Variants in MECR observed in about 807,000 individuals in gnomAD.
MECR encodes mitochondrial trans-2-enoyl-CoA reductase.
In MECR, 37 loss-of-function variants were observed where a neutral mutation model predicts 49.1. The observed-to-expected ratio is 0.75, with a 90% CI of 0.58 to 0.99. The LOEUF (loss-of-function observed/expected upper bound fraction) is 0.99. MECR is among the 50% of genes least tolerant of loss of function. The pLI, the probability that MECR is intolerant of heterozygous loss-of-function variation, is 0.00. For missense variants in MECR, 470 were observed against 479.6 expected (o/e 0.98, Z 0.19); for synonymous variants, 198 against 191.1 (o/e 1.04, Z -0.30).
chr1:29,229,812 C>T (rs754594400), intron 1 of MECR, among the ~76,000 whole-genome samples: 3 of 152,322 alleles, frequency 2.0e-5, no homozygotes, highest in South Asian at 2.1e-4. Context: ...GCTTTAGCTC[C>T]ACTTCAGTGG....
chr1:29,197,124 A>G (rs1420852976), intron 7 of MECR, among the ~76,000 whole-genome samples: 2 of 152,238 alleles, frequency 1.3e-5, no homozygotes, highest in African/African-American at 4.8e-5. Context: ...TTGTATGTTT[A>G]GCCAGGATTG....
the MECR span, among the ~76,000 whole-genome samples, chr1:29,182,378 T>C: frequency 6.6e-6 from 1 of 152,128 alleles, no homozygotes; most frequent in Non-Finnish European, 1.5e-5. Context: ...TGAGAATACG[T>C]ACATAAAGCA....
At chr1:29,228,750 G>A (rs1682743720) in intron 1 of MECR, 1 of 152,144 alleles carries the variant, frequency 6.6e-6, no homozygotes, top group Non-Finnish European at 1.5e-5. Context: ...CCAAGAGGAG[G>A]GAATCAATTA....
At chr1:29,224,049 T>C (rs1681443379) in intron 1 of MECR, 1 of 152,204 alleles carries the variant, frequency 6.6e-6, no homozygotes, top group Non-Finnish European at 1.5e-5. Flanking sequence ...GGGCAACTTC[T>C]GGAAGTTTCT....
chr1:29,214,413 G>A (rs1363496077), intron 3 of MECR, among the ~76,000 whole-genome samples: 2 of 150,182 alleles, frequency 1.3e-5, no homozygotes, highest in Non-Finnish European at 1.5e-5. Flanking sequence ...CCAGGCTGGA[G>A]TGCAGTGGCA....
Position 29,203,160 on chromosome 1 carries a change from G to A in MECR, c.624C>T (p.Gly208=), listed in dbSNP as rs370277457. ...CTCGGACCACATTGATGGTTCTTAG[G>A]CCCAGGGCTGCGGCGATCTGGATGA... is the stretch of plus-strand genomic sequence containing the variant. ...QAVIQIAAAL[G]LRTINVVRDR... The change falls in exon 5 of 10, where the codon GGC becomes GGT. Residue 208 remains glycine, a synonymous_variant. Coordinates refer to ENST00000263702, the MANE Select transcript of MECR (RefSeq NM_016011.5). 37 of 1,582,548 alleles carry A rather than the reference G, an allele frequency of 2.3e-5. No homozygotes were observed. The highest frequency in any genetic ancestry group is 3.1e-5 in the Non-Finnish European group (36 of 1,160,768).
chr1:29,224,887 G>T (rs1206975823), intron 1 of MECR: 2 of 152,216 alleles, frequency 1.3e-5, no homozygotes, highest in Admixed American at 6.5e-5. Context: ...CCTCACCCAG[G>T]GTGGGAAAGG....
intron 7 of MECR, 56 bp downstream of exon 7, chr1:29,200,460 C>A: frequency 3.3e-6 from 5 of 1,533,764 alleles, no homozygotes; most frequent in Non-Finnish European, 4.5e-6. Context: ...ATGGTCCTCC[C>A]AGCTAAAGAC....
downstream of MECR, among the ~76,000 whole-genome samples, chr1:29,188,798 C>G (rs1673072997): frequency 1.3e-5 from 2 of 151,882 alleles, no homozygotes; most frequent in African/African-American, 4.8e-5. Flanking sequence ...CGCTACCATA[C>G]CCGGCTAATT....
Position 29,216,263 on chromosome 1 carries a change from G to C in MECR, c.275-127C>G. 7 of 1,096,674 alleles carry C rather than the reference G, an allele frequency of 6.4e-6. No homozygotes were observed. In the South Asian group the frequency reaches 1.1e-4, roughly 17 times the overall value. The allele number at this position is 1,096,674 out of a possible 1,614,324, so 67.9% of individuals were successfully genotyped here. On this transcript the variant is annotated intron_variant, in intron 2 of 9. Transcript: ENST00000263702. ...TGGACTGTCTGCCTAACCAACCTCT[G>C]AGCCTTAGCTTGCTTGTCTGTATAG...
chr1:29,213,046 G>A (rs1455939462), intron 3 of MECR, among the ~76,000 whole-genome samples: 1 of 152,218 alleles, frequency 6.6e-6, no homozygotes, highest in Non-Finnish European at 1.5e-5. Context: ...TCTCTGGGAA[G>A]CCTTTCTTAA....
chr1:29,225,092 C>T lies in MECR; in HGVS notation c.176+5639G>A, dbSNP rs569539520. On this transcript the variant is annotated intron_variant, in intron 1 of 9. Coordinates refer to ENST00000263702, the MANE Select transcript of MECR (RefSeq NM_016011.5). ...CAGGGTAGCAGGGCTTGGCCCTAAACTCCACAGCCTAGTCTAAAGGCCAGA... is the reference window on the plus strand; with the variant it reads ...CAGGGTAGCAGGGCTTGGCCCTAAATTCCACAGCCTAGTCTAAAGGCCAGA... 2.6e-5 allele frequency among the ~76,000 whole-genome samples: 4 copies of T among 152,348 alleles called. No homozygotes were observed. The East Asian group carries it at 7.7e-4, about 29-fold the overall frequency.
In MECR at chr1:29,222,609, G is replaced by C. The variant is rs28407286; in HGVS notation, c.177-5924C>G. Among the ~76,000 whole-genome samples the C allele has an allele frequency of 1.2e-3, 179 of 152,298 alleles. 1 individual carries two copies. The highest frequency in any genetic ancestry group is 3.6e-3 in the African/African-American group (151 of 41,564). On this transcript the variant is annotated intron_variant, in intron 1 of 9. Transcript: ENST00000263702. ...CACAGCCTGCCCCAAACAGCAGTTTGAGAAACGATGCTCTGGGCCCCTCGT... is the reference window on the plus strand; with the variant it reads ...CACAGCCTGCCCCAAACAGCAGTTTCAGAAACGATGCTCTGGGCCCCTCGT...
chr1:29,195,932 T>A lies in MECR; in HGVS notation c.964+9A>T. On this transcript the variant is annotated intron_variant, in intron 9 of 9. Transcript: ENST00000263702. The stretch of plus-strand genomic sequence containing the variant: ...ATCTGTGACTCTTGGCACTGGGCCA[T>A]GCACTCACCTGGACTGTGATCCTTC... 5.6e-6 allele frequency: 9 copies of A among 1,614,160 alleles called. No homozygotes were observed. The highest frequency in any genetic ancestry group is 7.6e-6 in the Non-Finnish European group (9 of 1,179,984).
the MECR span, among the ~76,000 whole-genome samples, chr1:29,186,979 T>C: frequency 2.0e-5 from 3 of 152,220 alleles, no homozygotes; most frequent in Admixed American, 1.3e-4. Context: ...CAATGTCTCC[T>C]TTCCACTTAC....
intron 4 of MECR, among the ~76,000 whole-genome samples, chr1:29,204,461 T>A (rs780359570): frequency 1.8e-4 from 27 of 152,142 alleles, no homozygotes; most frequent in Admixed American, 7.9e-4. Context: ...AGCACCTTTT[T>A]TTTTTAAAGT....
chr1:29,212,588 C>A (rs1678290072), intron 3 of MECR, among the ~76,000 whole-genome samples: 2 of 152,178 alleles, frequency 1.3e-5, no homozygotes, highest in Non-Finnish European at 2.9e-5. Context: ...GCCCTTGACT[C>A]CATGCCCTCT....
At chr1:29,224,973 G>A (rs534355044) in intron 1 of MECR, among the ~76,000 whole-genome samples, 38 of 152,168 alleles carry the variant, frequency 2.5e-4, no homozygotes, top group Non-Finnish European at 5.0e-4. Context: ...CTTTCCTCCC[G>A]GACTCTCTGG....
At chr1:29,192,249 C>T (rs1299175814), downstream of MECR, among the ~76,000 whole-genome samples, 2 of 152,182 alleles carry the variant, frequency 1.3e-5, no homozygotes, top group African/African-American at 2.4e-5. Flanking sequence ...CACATTTCCC[C>T]CACGTCTAAG....
Sources: allele counts gnomAD v4.1 joint callset (sites outside exome capture counted in the v4.1 genomes callset), GRCh38; gene constraint gnomAD v4.1.1; transcripts MANE v1.5; gene names NCBI Gene and HGNC (gene_info 2026-07-23, HGNC 2026-07-21).